Variants in MYO7A observed in about 807,000 individuals in gnomAD.
The protein encoded by MYO7A is unconventional myosin-VIIa.
Under a neutral mutation model 263.8 loss-of-function variants are expected in MYO7A, and 210 were observed. That is an observed-to-expected ratio of 0.80 (90% confidence interval 0.71 to 0.89). The LOEUF (loss-of-function observed/expected upper bound fraction) is 0.89. Among genes scored for constraint, MYO7A ranks in the 40% least tolerant of loss-of-function variants. MYO7A has a pLI of 0.00. For missense variants in MYO7A, 2,820 were observed against 2,968.3 expected, an observed-to-expected ratio of 0.95 and a Z score of 1.16; for synonymous variants, 1,239 against 1,197.3, an observed-to-expected ratio of 1.03 and a Z score of -0.72.
chr11:77,194,551 G>A, intron 32 of MYO7A, 27 bp downstream of exon 32: 1 of 1,563,872 alleles, frequency 6.4e-7, no homozygotes, highest in Non-Finnish European at 8.7e-7. Context: ...GAGTCCTAGA[G>A]AAGGGATGTG....
chr11:77,201,755 A>G, intron 36 of MYO7A, 117 bp downstream of exon 36: 1 of 1,139,152 alleles, frequency 8.8e-7, no homozygotes, highest in Non-Finnish European at 1.2e-6. Flanking sequence ...TGATCTTGGG[A>G]TCTTATGGGA....
intron 3 of MYO7A, 76 bp from the exon 4 acceptor site, chr11:77,147,722 G>A (rs1951672862): frequency 3.4e-6 from 5 of 1,479,630 alleles, no homozygotes; most frequent in Admixed American, 3.8e-5. Flanking sequence ...CCGCGCTCCC[G>A]CCCGTCCCGG....
chr11:77,151,226 G>T (rs1364364352), intron 4 of MYO7A, among the ~76,000 whole-genome samples: 1 of 152,230 alleles, frequency 6.6e-6, no homozygotes, highest in Non-Finnish European at 1.5e-5. Context: ...TGGAAGGGCT[G>T]GTGGGGACCC....
chr11:77,199,049 G>A lies in MYO7A; in HGVS notation c.4568+428G>A, dbSNP rs376871430. 1.1e-4 allele frequency among the ~76,000 whole-genome samples: 17 copies of A among 152,340 alleles called. No homozygotes were observed. The East Asian group carries it at 2.9e-3, about 26-fold the overall frequency. ...TGCAGTGCACATAGGTGGAATGGTG[G>A]GGTGGGTTGCTGGGATTGACTGGCT... On this transcript the variant is annotated intron_variant, in intron 34 of 48. Coordinates refer to ENST00000409709, the MANE Select transcript of MYO7A (RefSeq NM_000260.4).
chr11:77,162,522 G>T (rs782761960), intron 13 of MYO7A, among the ~76,000 whole-genome samples, 192 bp downstream of exon 13: 1 of 152,198 alleles, frequency 6.6e-6, no homozygotes, highest in Non-Finnish European at 1.5e-5. Context: ...TCTGGGCCAG[G>T]CCATGAAGAT....
intron 8 of MYO7A, among the ~76,000 whole-genome samples, chr11:77,157,867 T>A (rs1326522571): frequency 6.6e-6 from 1 of 152,176 alleles, no homozygotes; most frequent in East Asian, 1.9e-4. Context: ...CCTGCTCGTA[T>A]GCAGTTACCT....
At chr11:77,179,512 G>A (rs1307025501) in intron 20 of MYO7A, among the ~76,000 whole-genome samples, 1 of 152,320 alleles carries the variant, frequency 6.6e-6, no homozygotes, top group East Asian at 1.9e-4. Context: ...GGATTCTCTT[G>A]GGGGCCCCAA....
intron 42 of MYO7A, among the ~76,000 whole-genome samples, chr11:77,207,689 C>G (rs1456275443): frequency 1.3e-5 from 2 of 152,228 alleles, no homozygotes; most frequent in African/African-American, 2.4e-5. Flanking sequence ...CATGTTCTTT[C>G]CATATTTGCT....
chr11:77,137,856 C>T (rs1950967577), intron 2 of MYO7A, among the ~76,000 whole-genome samples: 1 of 152,204 alleles, frequency 6.6e-6, no homozygotes, highest in Non-Finnish European at 1.5e-5. Context: ...GAAACTGTAT[C>T]TGCCCTCACT....
chr11:77,181,767 G>GTT (rs10522799), intron 23 of MYO7A, among the ~76,000 whole-genome samples, 178 bp downstream of exon 23: 2 of 138,274 alleles, frequency 1.4e-5, no homozygotes, highest in Admixed American at 7.3e-5. Flanking sequence ...CCCTTCTCAA[G>GTT]TTTTTTTTTT....
In MYO7A at chr11:77,203,219, T is replaced by C; in HGVS notation, c.5326+2T>C. 1 of 1,552,874 alleles carries C rather than the reference T, an allele frequency of 6.4e-7. No individual in the cohort carries two copies. Among genetic ancestry groups the C allele is most frequent in the Non-Finnish European group, 8.7e-7 (1 of 1,149,048 alleles). ...AGGAGGCCTGCCTGGCCTTCATTGA[T>C]ATCCGTGCCACTGGGCTGTGCCCAG... On this transcript the variant is annotated splice_donor_variant, in intron 38 of 48. Coordinates refer to ENST00000409709, the MANE Select transcript of MYO7A (RefSeq NM_000260.4). LOFTEE classifies it high-confidence loss of function.
intron 9 of MYO7A, among the ~76,000 whole-genome samples, chr11:77,158,688 T>G (rs1952719077): frequency 6.6e-6 from 1 of 152,238 alleles, no homozygotes; most frequent in South Asian, 2.1e-4. Flanking sequence ...CTATGGACAC[T>G]TTAAGACTCA....
rs782689084 is a variant in MYO7A, at chr11:77,181,779, GTTT to G, written c.2905-151_2905-149del. ...ACGCCCTTCTCAAGTTTTTTTTTTT[GTTT>G]TTTTTTTTTTTTTTTTTTTTGAGAT... On this transcript the variant is annotated intron_variant, in intron 23 of 48. Transcript: ENST00000409709. Among the ~76,000 whole-genome samples the G allele has an allele frequency of 6.7e-3, 604 of 90,072 alleles. 7 individuals are homozygous for G. Among genetic ancestry groups the G allele is most frequent in the African/African-American group, 0.021 (563 of 26,796 alleles). 59.1% of individuals were successfully genotyped at this position (90,072 alleles called of 152,430 possible).
intron 27 of MYO7A, among the ~76,000 whole-genome samples, chr11:77,188,556 C>G (rs545654625): frequency 1.3e-5 from 2 of 150,758 alleles, no homozygotes; most frequent in South Asian, 2.1e-4. Flanking sequence ...CGTCATGTGT[C>G]CTGCCCTTGT....
chr11:77,199,904 GAA>G, intron 35 of MYO7A, 86 bp downstream of exon 35: 1 of 1,262,430 alleles, frequency 7.9e-7, no homozygotes, highest in South Asian at 1.7e-5. Context: ...TGCTATAATG[GAA>G]CACTGGAGGC....
At chr11:77,180,597 GC>G in intron 22 of MYO7A, 116 bp downstream of exon 22, 3 of 895,730 alleles carry the variant, frequency 3.3e-6, no homozygotes, top group Non-Finnish European at 5.2e-6. Flanking sequence ...CTTCAGAATG[GC>G]CACACTAGAC....
rs919829916 is a variant in MYO7A at position 77,204,234 on chromosome 11, G to C, written c.5480+5G>C. The C allele has an allele frequency of 6.4e-7, 1 of 1,567,014 alleles. No homozygotes were observed. The highest frequency in any genetic ancestry group is 1.4e-5 in the African/African-American group (1 of 73,664). ...GCTGACCGACAACCACATCAGGTGA[G>C]CCAGGCACAGTGGGCGGATGAGGGG... On this transcript the variant is annotated splice_donor_5th_base_variant and intron_variant, in intron 39 of 48. Coordinates refer to ENST00000409709, the MANE Select transcript of MYO7A (RefSeq NM_000260.4).
chr11:77,192,410 T>C (rs1029381832), intron 31 of MYO7A, 132 bp downstream of exon 31: 7 of 899,288 alleles, frequency 7.8e-6, no homozygotes, highest in Non-Finnish European at 1.2e-5. Context: ...CCAGGCACTC[T>C]TCAGGCTCCT....
rs142183000 is a variant in MYO7A, at chr11:77,212,237, G to A, written c.6354+300G>A. ...AGCCCTCGCCCAGGTGGCAGAGCTC[G>A]GGAGGCTCTGCCGGGTGTGAGAAGG... On this transcript the variant is annotated intron_variant, in intron 46 of 48. Coordinates refer to ENST00000409709, the MANE Select transcript of MYO7A (RefSeq NM_000260.4). 1.1e-3 allele frequency: 587 copies of A among 532,504 alleles called. 2 individuals are homozygous for A. Among genetic ancestry groups the A allele is most frequent in the African/African-American group, 0.01 (534 of 52,948 alleles). The allele number at this position is 532,504 out of a possible 1,614,324, so 33.0% of individuals were successfully genotyped here. A position where few individuals can be genotyped will look rare whatever the true frequency, so the allele number is the denominator to read the frequency against.
Sources: allele counts gnomAD v4.1 joint callset (sites outside exome capture counted in the v4.1 genomes callset), GRCh38; gene constraint gnomAD v4.1.1; transcripts MANE v1.5; gene names NCBI Gene and HGNC (gene_info 2026-07-23, HGNC 2026-07-21).